VWA5B1: variants seen among roughly 807,000 people sequenced by gnomAD.
The protein encoded by VWA5B1 is von Willebrand factor A domain-containing protein 5B1.
In VWA5B1, 115 loss-of-function variants were observed where a neutral mutation model predicts 118.2. The observed-to-expected ratio is 0.97, with a 90% CI of 0.84 to 1.14. The LOEUF (loss-of-function observed/expected upper bound fraction) is 1.14, where lower values mean the gene tolerates loss of function less well. Among genes scored for constraint, VWA5B1 ranks in the 50% most tolerant of loss-of-function variants. The pLI is 0.00. For missense variants in VWA5B1, 1,596 were observed against 1,603.8 expected, an observed-to-expected ratio of 1.00 and a Z score of 0.08; for synonymous variants, 682 against 658.4, an observed-to-expected ratio of 1.04 and a Z score of -0.55.
chr1:20,359,015 C>T lies in VWA5B1; in HGVS notation c.*4752C>T, dbSNP rs909970825. On this transcript the variant is annotated 3_prime_UTR_variant, in exon 22 of 22. Coordinates refer to ENST00000289815, the MANE Select transcript of VWA5B1 (RefSeq NM_001039500.3). Reference sequence around the variant, plus strand: ...CGTTGACTTTAGCCTCTCAACAGCACTGCCTCCCCGGGTTACCCGATGAGG... The same window carrying T: ...CGTTGACTTTAGCCTCTCAACAGCATTGCCTCCCCGGGTTACCCGATGAGG... 7.9e-5 allele frequency among the ~76,000 whole-genome samples: 12 copies of T among 152,218 alleles called. No individual in the cohort carries two copies. Among genetic ancestry groups the T allele is most frequent in the African/African-American group, 2.9e-4 (12 of 41,454 alleles).
Position 20,317,626 on chromosome 1 carries a change from G to A in VWA5B1, c.660G>A (p.Glu220=). Residue 220 remains glutamate (E), a synonymous_variant, in exon 5 of 22, where the codon GAG becomes GAA. Transcript: ENST00000289815. ...LLNTEVSNPM[E]YEFNFQLEIR... The stretch of plus-strand genomic sequence containing the variant: ...ACACCGAAGTGTCCAACCCCATGGA[G>A]TATGAGTTCAACTTCCAGCTGGAGA... 6.4e-7 allele frequency: 1 copy of A among 1,551,784 alleles called. No homozygotes were observed. The highest frequency in any genetic ancestry group is 8.7e-7 in the Non-Finnish European group (1 of 1,146,974).
chr1:20,330,497 C>A, intron 10 of VWA5B1, 115 bp downstream of exon 10: 1 of 1,264,920 alleles, frequency 7.9e-7, no homozygotes, highest in Non-Finnish European at 1.1e-6. Context: ...CCACAATTCC[C>A]AAAGGGCTTT....
At chr1:20,330,103 A>T (rs1329551735) in intron 9 of VWA5B1, 77 bp from the exon 10 acceptor site, 2 of 1,493,154 alleles carry the variant, frequency 1.3e-6, no homozygotes, top group Admixed American at 4.0e-5. Flanking sequence ...GATCTAGGGA[A>T]ACAAAGTCCT....
intron 1 of VWA5B1, among the ~76,000 whole-genome samples, chr1:20,298,544 C>A (rs2088449043): frequency 6.6e-6 from 1 of 152,112 alleles, no homozygotes; most frequent in African/African-American, 2.4e-5. Context: ...CAGCCAGGCA[C>A]TGTGCCTGGC....
At chr1:20,328,081 T>C (rs543752071) in intron 9 of VWA5B1, 81 bp downstream of exon 9, 1 of 1,368,174 alleles carries the variant, frequency 7.3e-7, no homozygotes, top group Non-Finnish European at 1.0e-6. Context: ...GAAAAAATAG[T>C]TAAAACCCTA....
chr1:20,340,334 G>A lies in VWA5B1; in HGVS notation c.2134-2098G>A, dbSNP rs565540107. ...CCCAGTGTAGTGTTGACGGCTGGGG[G>A]AATCCTAGTGTTTGATTGGGCAAGG... On this transcript the variant is annotated intron_variant, in intron 14 of 21. Coordinates refer to ENST00000289815, the MANE Select transcript of VWA5B1 (RefSeq NM_001039500.3). Among the ~76,000 whole-genome samples, 3 of 152,290 alleles carry A rather than the reference G, an allele frequency of 2.0e-5. No homozygotes were observed. In the South Asian group the frequency reaches 6.2e-4, roughly 32 times the overall value.
chr1:20,307,810 CTT>C (rs11348747), intron 1 of VWA5B1, among the ~76,000 whole-genome samples: 23,538 of 145,178 alleles, frequency 0.16, 2,641 homozygotes, highest in African/African-American at 0.32. Context: ...TTCTGACATT[CTT>C]TTTTTTTTTT....
chr1:20,329,262 CT>C (rs139538562), intron 9 of VWA5B1, among the ~76,000 whole-genome samples: 1,019 of 99,720 alleles, frequency 0.01, 40 homozygotes, highest in East Asian at 0.092. Flanking sequence ...GCCATTACTG[CT>C]TTTTTTTTTC....
rs1390821550 is a variant in VWA5B1 at position 20,345,601 on chromosome 1, A to G, written c.2764+8A>G. On this transcript the variant is annotated splice_region_variant and intron_variant, in intron 17 of 21. Coordinates refer to ENST00000289815, the MANE Select transcript of VWA5B1 (RefSeq NM_001039500.3). ...TGGAGTACCCCAACTCTGGTAAGGCAGGCGAGCGGCCGGGGGCACTCCTGG... is the reference window on the plus strand; with the variant it reads ...TGGAGTACCCCAACTCTGGTAAGGCGGGCGAGCGGCCGGGGGCACTCCTGG... The G allele has an allele frequency of 1.3e-6, 2 of 1,540,600 alleles. No homozygotes were observed. Among genetic ancestry groups the G allele is most frequent in the South Asian group, 1.2e-5 (1 of 82,650 alleles).
At chr1:20,296,703 A>G (rs1342267102) in intron 1 of VWA5B1, among the ~76,000 whole-genome samples, 2 of 152,364 alleles carry the variant, frequency 1.3e-5, no homozygotes, top group South Asian at 2.1e-4. Flanking sequence ...TTGGTCCAAC[A>G]TAAGATTCTA....
At chr1:20,330,518 T>C in intron 10 of VWA5B1, 136 bp downstream of exon 10, 2 of 1,100,628 alleles carry the variant, frequency 1.8e-6, no homozygotes, top group Admixed American at 2.5e-5. Context: ...GCTTCCAAGA[T>C]AGTGTGGGCT....
At position 20,336,361 on chromosome 1, in the gene VWA5B1, A is replaced by G. The variant is rs1234379121; in HGVS notation, c.1817A>G (p.Tyr606Cys). 1 of 1,527,822 alleles carries G rather than the reference A, an allele frequency of 6.5e-7. No homozygotes were observed. 94.6% of individuals were successfully genotyped at this position (1,527,822 alleles called of 1,614,324 possible). A position where few individuals can be genotyped will look rare whatever the true frequency, so the allele number is the denominator to read the frequency against. The change falls in exon 13 of 22, where the codon TAC becomes TGC. Residue 606 changes from tyrosine (Y) to cysteine (C), a missense_variant. Transcript: ENST00000289815. Reference protein sequence around the residue: ...HSQESGSSVFYHSQDDGPGLE... With the variant: ...HSQESGSSVFCHSQDDGPGLE... ...CAGGAGTCTGGCAGCTCTGTCTTCTACCACTCTCAGGATGACGGACCCGGG... is the reference window on the plus strand; with the variant it reads ...CAGGAGTCTGGCAGCTCTGTCTTCTGCCACTCTCAGGATGACGGACCCGGG...
chr1:20,318,073 C>G (rs1048385011), intron 5 of VWA5B1, among the ~76,000 whole-genome samples: 1 of 149,698 alleles, frequency 6.7e-6, no homozygotes, highest in African/African-American at 2.5e-5. Flanking sequence ...GAGTTCCAGG[C>G]ATGGAAACAT....
At position 20,330,967 on chromosome 1, in the gene VWA5B1, A is replaced by G; in HGVS notation, c.1556A>G (p.Glu519Gly). The stretch of plus-strand genomic sequence containing the variant: ...AGTGCTGAGCTCCTGATGGAGGGGG[A>G]GCGGCTGCAACCCAAGGTAGGCAGC... The part of the protein sequence containing the change: ...EGSAELLMEG[E>G]RLQPKMVKSL... Residue 519 changes from glutamate to glycine, a missense_variant, in exon 11 of 22, where the codon GAG becomes GGG. By Grantham distance (98) the Glu-to-Gly change is moderately conservative (BLOSUM62 -2). Transcript: ENST00000289815. 6.5e-7 allele frequency: 1 copy of G among 1,547,902 alleles called. No homozygotes were observed. The highest frequency in any genetic ancestry group is 8.7e-7 in the Non-Finnish European group (1 of 1,145,238).
Position 20,318,577 on chromosome 1 carries a change from C to T in VWA5B1, c.710-13C>T, listed in dbSNP as rs1218567838. On this transcript the variant is annotated splice_polypyrimidine_tract_variant and intron_variant, in intron 5 of 21. Transcript: ENST00000289815. Reference sequence around the variant, plus strand: ...ATGAGCCTATATCCCCCTTGCCTTTCTATGCCACTCAGGGGTGGAGAGTCC... The same window carrying T: ...ATGAGCCTATATCCCCCTTGCCTTTTTATGCCACTCAGGGGTGGAGAGTCC... 3 of 1,551,226 alleles carry T rather than the reference C, an allele frequency of 1.9e-6. No individual in the cohort carries two copies. The highest frequency in any genetic ancestry group is 2.6e-6 in the Non-Finnish European group (3 of 1,146,966).
intron 18 of VWA5B1, among the ~76,000 whole-genome samples, 200 bp downstream of exon 18, chr1:20,348,558 C>T (rs987759603): frequency 2.0e-5 from 3 of 152,088 alleles, no homozygotes; most frequent in Non-Finnish European, 2.9e-5. Context: ...ATGGCCGGAG[C>T]GCACCACCAC....
intron 7 of VWA5B1, among the ~76,000 whole-genome samples, chr1:20,321,558 C>T (rs1285091629): frequency 6.6e-6 from 1 of 152,164 alleles, no homozygotes; most frequent in Admixed American, 6.5e-5. Context: ...GCACTCCAGC[C>T]TGGTGGCAGA....
intron 1 of VWA5B1, among the ~76,000 whole-genome samples, 169 bp downstream of exon 1, chr1:20,291,257 A>G (rs1384159939): frequency 6.6e-6 from 1 of 151,450 alleles, no homozygotes; most frequent in Non-Finnish European, 1.5e-5. Flanking sequence ...TGCAGGCACC[A>G]TGGGGAGGAG....
chr1:20,332,345 T>A (rs2089582562), intron 11 of VWA5B1, among the ~76,000 whole-genome samples: 1 of 151,904 alleles, frequency 6.6e-6, no homozygotes, highest in Admixed American at 6.6e-5. Flanking sequence ...CTGGGCATGA[T>A]GGCGGGTGCC....
Sources: allele counts gnomAD v4.1 joint callset (sites outside exome capture counted in the v4.1 genomes callset), GRCh38; gene constraint gnomAD v4.1.1; transcripts MANE v1.5; gene names NCBI Gene and HGNC (gene_info 2026-07-23, HGNC 2026-07-21).